Variants in NME8 observed in about 807,000 individuals in gnomAD.
NME8 encodes protein NME8.
NME8 carries 72 observed loss-of-function variants against 82.3 expected under a neutral mutation model. That is an observed-to-expected ratio of 0.87 (90% CI 0.72 to 1.06). The LOEUF is 1.06. NME8 is among the 50% of genes least tolerant of loss of function. The pLI, the probability that NME8 is intolerant of heterozygous loss-of-function variation, is 0.00. For synonymous variants in NME8, 267 were observed against 228.5 expected, an observed-to-expected ratio of 1.17 and a Z score of -1.52; for missense variants, 712 against 685.4, an observed-to-expected ratio of 1.04 and a Z score of -0.43.
intron 10 of NME8, 128 bp downstream of exon 10, chr7:37,865,745 G>GT (rs1784667272): frequency 1.5e-6 from 1 of 683,598 alleles, no homozygotes; most frequent in Non-Finnish European, 2.6e-6. Context: ...TGGTGTCCCT[G>GT]TTGGTGTCCA....
At chr7:37,884,896 G>C (rs1785017288) in intron 13 of NME8, among the ~76,000 whole-genome samples, 1 of 152,172 alleles carries the variant, frequency 6.6e-6, no homozygotes, top group Non-Finnish European at 1.5e-5. Context: ...GCAGGACCAT[G>C]GGAACAATGA....
intron 14 of NME8, 22 bp downstream of exon 14, chr7:37,885,274 AC>A: frequency 6.7e-7 from 1 of 1,487,698 alleles, no homozygotes; most frequent in Non-Finnish European, 9.4e-7. Context: ...ACCATGGGTC[AC>A]TATCTGTTTT....
At position 37,857,289 on chromosome 7, in the gene NME8, A is replaced by G. The variant is rs779645085; in HGVS notation, c.214A>G (p.Ile72Val). Residue 72 changes from isoleucine to valine, a missense_variant, in exon 6 of 18, where the codon ATT becomes GTT. Physicochemically the swap from Ile to Val is conservative, Grantham distance 29 (BLOSUM62 3). Coordinates refer to ENST00000199447, the MANE Select transcript of NME8 (RefSeq NM_016616.5). ...CTTTTTCCAGGCAGAAGCTGACAAC[A>G]TTGTGACTTTGCAGCCATTTAGAGA... Reference protein sequence around the residue: ...LHFAVAEADNIVTLQPFRDKC... With the variant: ...LHFAVAEADNVVTLQPFRDKC... The G allele has an allele frequency of 1.9e-6, 3 of 1,611,334 alleles. No individual in the cohort carries two copies. The highest frequency in any genetic ancestry group is 1.1e-5 in the South Asian group (1 of 90,754).
chr7:37,891,353 C>A lies in NME8; in HGVS notation c.1399+2925C>A, dbSNP rs367854035. 7.8e-4 allele frequency among the ~76,000 whole-genome samples: 119 copies of A among 151,892 alleles called. 1 individual carries two copies. In the Middle Eastern group the frequency reaches 0.01, roughly 13 times the overall value. On this transcript the variant is annotated intron_variant, in intron 15 of 17. Coordinates refer to ENST00000199447, the MANE Select transcript of NME8 (RefSeq NM_016616.5). ...TTACCAAAAAAAATCACTGCCGAGACCAATGCTATGAAGCATTTCACCTAT... is the reference window on the plus strand; with the variant it reads ...TTACCAAAAAAAATCACTGCCGAGAACAATGCTATGAAGCATTTCACCTAT...
chr7:37,885,036 A>G, intron 13 of NME8, 109 bp from the exon 14 acceptor site: 1 of 725,486 alleles, frequency 1.4e-6, no homozygotes, highest in South Asian at 1.6e-5. Context: ...ATTATTTTAC[A>G]TGTTACATGT....
rs2598043 is a variant in NME8, at chr7:37,850,979, A to G, written c.198+244A>G. Among the ~76,000 whole-genome samples, 41,629 of 151,860 alleles carry G rather than the reference A, an allele frequency of 0.27. 5,908 individuals carry two copies. Among genetic ancestry groups the G allele is most frequent in the African/African-American group, 0.36 (15,063 of 41,360 alleles). ...CTGTGAAAGTCAGAAAAGTGTAATA[A>G]TGGACACATCTATTGTTCTGTTTCC... On this transcript the variant is annotated intron_variant, in intron 5 of 17. Transcript: ENST00000199447.
rs574657074 is a variant in NME8, at chr7:37,887,478, G to T, written c.1248-799G>T. 8.5e-5 allele frequency among the ~76,000 whole-genome samples: 13 copies of T among 152,218 alleles called. No homozygotes were observed. The East Asian group carries it at 2.5e-3, about 29-fold the overall frequency. On this transcript the variant is annotated intron_variant, in intron 14 of 17. Coordinates refer to ENST00000199447, the MANE Select transcript of NME8 (RefSeq NM_016616.5). ...CAATACACACACCATATATTTCAAA[G>T]GCATCATCTGATTGCATCTGCAAAA...
intron 14 of NME8, among the ~76,000 whole-genome samples, chr7:37,887,654 T>G (rs183280751): frequency 6.6e-6 from 1 of 152,310 alleles, no homozygotes; most frequent in Admixed American, 6.5e-5. Context: ...GGCATCTATA[T>G]CAGTCTGTTC....
rs1562831862 is a variant in NME8, at chr7:37,865,596, C to T, written c.600C>T (p.Phe200=). The part of the protein sequence containing the change: ...TVLTEEQVVN[F]YSRIADQCDF... Reference sequence around the variant, plus strand: ...TCACTGAAGAACAAGTTGTCAACTTCTATAGTCGAATAGCAGACCAGGTAT... The same window carrying T: ...TCACTGAAGAACAAGTTGTCAACTTTTATAGTCGAATAGCAGACCAGGTAT... The change falls in exon 10 of 18, where the codon TTC becomes TTT. Residue 200 remains phenylalanine, a synonymous_variant. Coordinates refer to ENST00000199447, the MANE Select transcript of NME8 (RefSeq NM_016616.5). The T allele has an allele frequency of 2.5e-6, 4 of 1,611,876 alleles. No homozygotes were observed. The highest frequency in any genetic ancestry group is 3.4e-6 in the Non-Finnish European group (4 of 1,178,100).
chr7:37,854,419 A>G (rs558529108), intron 5 of NME8, among the ~76,000 whole-genome samples: 10 of 152,186 alleles, frequency 6.6e-5, no homozygotes, highest in Non-Finnish European at 1.0e-4. Context: ...GTGGAAGGGG[A>G]GGCAGGAGAA....
At chr7:37,855,457 T>G (rs1784496494) in intron 5 of NME8, among the ~76,000 whole-genome samples, 1 of 152,144 alleles carries the variant, frequency 6.6e-6, no homozygotes, top group Admixed American at 6.6e-5. Flanking sequence ...CTTCCTTAAG[T>G]CTTGGTGCTC....
chr7:37,876,727 T>C, intron 11 of NME8, 105 bp from the exon 12 acceptor site: 1 of 815,056 alleles, frequency 1.2e-6, no homozygotes, highest in Non-Finnish European at 2.0e-6. Context: ...TAATTTTTGT[T>C]TTATTAAACT....
At chr7:37,867,989 T>A in intron 11 of NME8, 91 bp downstream of exon 11, 1 of 1,024,646 alleles carries the variant, frequency 9.8e-7, no homozygotes. Flanking sequence ...AGGGCAAATG[T>A]TTTTATGTTA....
Position 37,850,499 on chromosome 7 carries a change from G to T in NME8, c.91+64G>T, listed in dbSNP as rs559053210. The T allele has an allele frequency of 4.2e-4, 663 of 1,585,990 alleles. 10 individuals carry two copies. In the South Asian group the frequency reaches 6.9e-3, roughly 16 times the overall value. ...GACCCGGAGCTCCTCCTGGCACCCT[G>T]TCCCTCTAGAGTCCCCACTTTGACC... On this transcript the variant is annotated intron_variant, in intron 4 of 17. Coordinates refer to ENST00000199447, the MANE Select transcript of NME8 (RefSeq NM_016616.5).
chr7:37,850,994 G>A (rs965024180), intron 5 of NME8, among the ~76,000 whole-genome samples: 4 of 152,208 alleles, frequency 2.6e-5, no homozygotes, highest in Non-Finnish European at 5.9e-5. Flanking sequence ...CACATCTATT[G>A]TTCTGTTTCC....
At chr7:37,894,791 C>T (rs967897548) in intron 16 of NME8, among the ~76,000 whole-genome samples, 181 bp downstream of exon 16, 1 of 151,712 alleles carries the variant, frequency 6.6e-6, no homozygotes, top group African/African-American at 2.4e-5. Flanking sequence ...ATCTTCTTTT[C>T]TCTCTCTCAT....
chr7:37,865,760 A>T, intron 10 of NME8, 143 bp downstream of exon 10: 1 of 654,476 alleles, frequency 1.5e-6, no homozygotes, highest in South Asian at 1.7e-5. Flanking sequence ...TGTCCATATC[A>T]TGGAGATGCC....
intron 11 of NME8, among the ~76,000 whole-genome samples, chr7:37,868,257 T>G (rs1487552301): frequency 6.6e-6 from 1 of 152,112 alleles, no homozygotes; most frequent in Admixed American, 6.5e-5. Flanking sequence ...TAGGGATATT[T>G]ATGGACCTTA....
chr7:37,899,961 G>A (rs1021932110), intron 17 of NME8, among the ~76,000 whole-genome samples: 1 of 152,068 alleles, frequency 6.6e-6, no homozygotes, highest in Admixed American at 6.6e-5. Flanking sequence ...CTAACCTTTG[G>A]TTTAACCAGC....
Sources: allele counts gnomAD v4.1 joint callset (sites outside exome capture counted in the v4.1 genomes callset), GRCh38; gene constraint gnomAD v4.1.1; transcripts MANE v1.5; gene names NCBI Gene and HGNC (gene_info 2026-07-23, HGNC 2026-07-21).